CDH13: variants seen among roughly 807,000 people sequenced by gnomAD.
CDH13 encodes the protein cadherin-13.
In CDH13, 24 loss-of-function variants were observed where a neutral mutation model predicts 63.8. That is an observed-to-expected ratio of 0.38 (90% confidence interval 0.27 to 0.53). CDH13 has a LOEUF of 0.53. Among genes scored for constraint, CDH13 ranks in the 20% least tolerant of loss-of-function variants. The pLI, the probability that CDH13 is intolerant of heterozygous loss-of-function variation, is 0.85. For missense variants in CDH13, 1,049 were observed against 903.1 expected, an observed-to-expected ratio of 1.16 and a Z score of -2.07; for synonymous variants, 503 against 355.3, an observed-to-expected ratio of 1.42 and a Z score of -4.67.
intron 7 of CDH13, among the ~76,000 whole-genome samples, chr16:83,518,066 G>A (rs568681704): frequency 6.6e-6 from 1 of 152,242 alleles, no homozygotes; most frequent in African/African-American, 2.4e-5. Context: ...GGACCTGGTG[G>A]GAGGTAATTT....
At chr16:82,757,766 G>C (rs894028226) in intron 1 of CDH13, among the ~76,000 whole-genome samples, 3 of 151,496 alleles carry the variant, frequency 2.0e-5, no homozygotes, top group South Asian at 2.1e-4. Context: ...CTCAGCTTTC[G>C]GAGTAGCTGG....
intron 7 of CDH13, among the ~76,000 whole-genome samples, chr16:83,537,127 T>C (rs1021972968): frequency 4.6e-5 from 7 of 152,298 alleles, no homozygotes; most frequent in African/African-American, 1.7e-4. Context: ...CAAATTGAAA[T>C]ACATAGAAAC....
At chr16:82,961,033 C>T (rs1906900867) in intron 2 of CDH13, among the ~76,000 whole-genome samples, 2 of 152,188 alleles carry the variant, frequency 1.3e-5, no homozygotes, top group African/African-American at 4.8e-5. Context: ...AGTTGAGGGC[C>T]AAAGCAGATG....
intron 7 of CDH13, among the ~76,000 whole-genome samples, chr16:83,556,441 A>G (rs2075603771): frequency 6.6e-6 from 1 of 152,218 alleles, no homozygotes; most frequent in Non-Finnish European, 1.5e-5. Flanking sequence ...GATGCAAAGC[A>G]GGAAACACAC....
At chr16:82,674,205 G>C (rs564623770) in intron 1 of CDH13, among the ~76,000 whole-genome samples, 3 of 152,264 alleles carry the variant, frequency 2.0e-5, no homozygotes, top group African/African-American at 7.2e-5. Context: ...AAGGCAGCCT[G>C]GTGCCCTTCC....
chr16:83,020,211 C>T (rs532102809), intron 2 of CDH13, among the ~76,000 whole-genome samples: 62 of 152,350 alleles, frequency 4.1e-4, no homozygotes, highest in African/African-American at 1.4e-3. Flanking sequence ...CTTGTAGCCC[C>T]ACACCTGCAT....
At chr16:83,145,525 A>C (rs112478289) in intron 4 of CDH13, among the ~76,000 whole-genome samples, 1 of 152,218 alleles carries the variant, frequency 6.6e-6, no homozygotes, top group African/African-American at 2.4e-5. Flanking sequence ...TGTTCAGCAG[A>C]CACCAAGGAC....
rs531291143 is a variant in CDH13, at chr16:83,792,418, G to C, written c.2135-2605G>C. Among the ~76,000 whole-genome samples, 253 of 152,352 alleles carry C rather than the reference G, an allele frequency of 1.7e-3. 2 individuals are homozygous for C. Among genetic ancestry groups the C allele is most frequent in the Non-Finnish European group, 2.4e-3 (163 of 68,034 alleles). On this transcript the variant is annotated intron_variant, in intron 13 of 13. Coordinates refer to ENST00000567109, the MANE Select transcript of CDH13 (RefSeq NM_001257.5). ...ATTTGAGACTCTAATTTGAAAACAA[G>C]AGATTGGAGCCTATTTAGTGGATTT...
At chr16:83,377,152 A>G (rs1231257703) in intron 6 of CDH13, among the ~76,000 whole-genome samples, 3 of 152,206 alleles carry the variant, frequency 2.0e-5, no homozygotes, top group Non-Finnish European at 4.4e-5. Context: ...ACAAAATCAT[A>G]AACACGATAA....
chr16:83,232,557 A>AAAC (rs2040034068), intron 5 of CDH13, among the ~76,000 whole-genome samples: 3 of 148,212 alleles, frequency 2.0e-5, no homozygotes, highest in East Asian at 2.0e-4. Context: ...AACAAACAAA[A>AAAC]AAAAAAAAAA....
At chr16:83,347,032 T>C (rs1337902378) in intron 6 of CDH13, among the ~76,000 whole-genome samples, 1 of 152,174 alleles carries the variant, frequency 6.6e-6, no homozygotes, top group Non-Finnish European at 1.5e-5. Context: ...TCAGTCAGAT[T>C]TGGGATCCAG....
At chr16:83,444,543 G>C (rs2072608841) in intron 6 of CDH13, among the ~76,000 whole-genome samples, 1 of 152,180 alleles carries the variant, frequency 6.6e-6, no homozygotes, top group African/African-American at 2.4e-5. Flanking sequence ...GGCAGAACCA[G>C]GCTTTACAAC....
chr16:82,893,619 C>G (rs960226633), intron 2 of CDH13, among the ~76,000 whole-genome samples: 1 of 152,214 alleles, frequency 6.6e-6, no homozygotes, highest in Non-Finnish European at 1.5e-5. Flanking sequence ...GTTGGATATG[C>G]TTGCCAGGTC....
chr16:82,951,851 A>G (rs926801341), intron 2 of CDH13, among the ~76,000 whole-genome samples: 6 of 152,158 alleles, frequency 3.9e-5, no homozygotes, highest in Non-Finnish European at 8.8e-5. Flanking sequence ...ATATCTTCCT[A>G]AGTGTTCCAT....
intron 7 of CDH13, among the ~76,000 whole-genome samples, chr16:83,576,723 A>C (rs1905110137): frequency 6.6e-6 from 1 of 152,186 alleles, no homozygotes; most frequent in African/African-American, 2.4e-5. Context: ...ATGAGGTGCC[A>C]TCTCATAGTT....
At chr16:83,397,788 A>G (rs1484663576) in intron 6 of CDH13, 1 of 152,202 alleles carries the variant, frequency 6.6e-6, no homozygotes, top group African/African-American at 2.4e-5. Context: ...CAAGAATCTA[A>G]TCTTTGTCCT....
At chr16:83,057,749 C>A (rs772753642) in intron 3 of CDH13, among the ~76,000 whole-genome samples, 1 of 152,060 alleles carries the variant, frequency 6.6e-6, no homozygotes, top group Non-Finnish European at 1.5e-5. Flanking sequence ...AATTTTAAAC[C>A]GTCTAAGATA....
At chr16:83,348,458 G>T (rs998485602) in intron 6 of CDH13, among the ~76,000 whole-genome samples, 5 of 152,180 alleles carry the variant, frequency 3.3e-5, no homozygotes, top group South Asian at 2.1e-4. Context: ...ATAACCAAAG[G>T]CAGCTTCATG....
intron 6 of CDH13, among the ~76,000 whole-genome samples, chr16:83,381,626 C>T (rs1445145468): frequency 6.6e-6 from 1 of 151,978 alleles, no homozygotes; most frequent in Non-Finnish European, 1.5e-5. Context: ...ATAATTCCAA[C>T]CACTCTCACC....
Sources: allele counts gnomAD v4.1 joint callset (sites outside exome capture counted in the v4.1 genomes callset), GRCh38; gene constraint gnomAD v4.1.1; transcripts MANE v1.5; gene names NCBI Gene and HGNC (gene_info 2026-07-23, HGNC 2026-07-21).